The following KCNJ5 variants were observed in gnomAD, a reference collection of about 807,000 sequenced individuals.
KCNJ5 encodes potassium inwardly rectifying channel subfamily J member 5, also known as G protein-activated inward rectifier potassium channel 4.
Under a neutral mutation model 20.2 loss-of-function variants are expected in KCNJ5, and 12 were observed. The observed-to-expected ratio is 0.59, with a 90% CI of 0.38 to 0.96. The LOEUF is 0.96. Ranked by LOEUF, KCNJ5 falls within the 40% of genes least tolerant of loss-of-function variation. KCNJ5 has a pLI of 0.00. For missense variants in KCNJ5, 449 were observed against 557.6 expected (o/e 0.81, Z 1.96); for synonymous variants, 210 against 213.9 (o/e 0.98, Z 0.16).
chr11:128,918,067 AAC>A lies in KCNJ5; in HGVS notation c.*1338_*1339del, dbSNP rs1491089347. The A allele has an allele frequency of 1.4e-3, 182 of 126,682 alleles. 1 individual carries two copies. Among genetic ancestry groups the A allele is most frequent in the Non-Finnish European group, 1.6e-3 (94 of 60,214 alleles). The allele number at this position is 126,682 out of a possible 1,614,324, so 7.8% of individuals were successfully genotyped here. On this transcript the variant is annotated 3_prime_UTR_variant, in exon 3 of 3. Transcript: ENST00000529694. ...GAGACTCCATCTCAAAAAAAAAAAA[AAC>A]ATCAGCATCTGCCCCAGTTGTGGCC...
intron 2 of KCNJ5, among the ~76,000 whole-genome samples, chr11:128,915,588 C>T (rs1351100252): frequency 6.6e-6 from 1 of 152,168 alleles, no homozygotes; most frequent in Admixed American, 6.5e-5. Flanking sequence ...AACATCTATT[C>T]ACTCCAATCT....
chr11:128,894,542 G>T lies in KCNJ5; in HGVS notation c.-11+2821G>T, dbSNP rs369610466. On this transcript the variant is annotated intron_variant, in intron 1 of 2. Transcript: ENST00000529694. Reference sequence around the variant, plus strand: ...TGTTAAGATAGTCGTCAGCCACGAAGGAATCTTTCTGTGTTTTGTTTTTAT... The same window carrying T: ...TGTTAAGATAGTCGTCAGCCACGAATGAATCTTTCTGTGTTTTGTTTTTAT... Among the ~76,000 whole-genome samples, 47 of 152,304 alleles carry T rather than the reference G, an allele frequency of 3.1e-4. 1 individual carries two copies. In the East Asian group the frequency reaches 4.0e-3, roughly 13 times the overall value.
At chr11:128,908,645 T>C (rs1438080269) in intron 1 of KCNJ5, among the ~76,000 whole-genome samples, 10 of 152,146 alleles carry the variant, frequency 6.6e-5, no homozygotes, top group African/African-American at 2.4e-4. Flanking sequence ...TGTTTAAAAA[T>C]AAAGAAGGAA....
chr11:128,897,210 G>T (rs929309581), intron 1 of KCNJ5, among the ~76,000 whole-genome samples: 1 of 150,296 alleles, frequency 6.7e-6, no homozygotes, highest in African/African-American at 2.5e-5. Flanking sequence ...TGATTCTCCG[G>T]CCTCAGCCTC....
chr11:128,898,993 T>C (rs1416897991), intron 1 of KCNJ5, among the ~76,000 whole-genome samples: 2 of 152,248 alleles, frequency 1.3e-5, no homozygotes, highest in Non-Finnish European at 2.9e-5. Context: ...CCTATTTCTT[T>C]CACTTTGTTT....
chr11:128,898,589 A>G (rs1944213044), intron 1 of KCNJ5, among the ~76,000 whole-genome samples: 1 of 152,196 alleles, frequency 6.6e-6, no homozygotes, highest in Non-Finnish European at 1.5e-5. Context: ...TAATGCCCAC[A>G]TCCACTTACA....
chr11:128,920,341 G>C lies in KCNJ5; in HGVS notation c.*3610G>C, dbSNP rs1317694596. On this transcript the variant is annotated 3_prime_UTR_variant, in exon 3 of 3. Transcript: ENST00000529694. ...AGGTCCTGGCTTGAGCAGTTACCTT[G>C]CTGGAGAAGAGGAGCCCCTGCCATC... 6.6e-6 allele frequency: 1 copy of C among 152,394 alleles called. No individual in the cohort carries two copies. The highest frequency in any genetic ancestry group is 2.4e-5 in the African/African-American group (1 of 41,438). The allele number at this position is 152,394 out of a possible 1,614,324, so 9.4% of individuals were successfully genotyped here.
chr11:128,891,441 C>CAGAAAGAGAGAGAGAG lies in KCNJ5; in HGVS notation c.-288_-287insAAGAGAGAGAGAGAGA, dbSNP rs1944085485. ...ACACACACACACACACACACACACA[C>CAGAAAGAGAGAGAGAG]AGAGAGAGAGAGAGAGAGAGAGAGA... On this transcript the variant is annotated 5_prime_UTR_variant, in exon 1 of 3. Transcript: ENST00000529694. 1.8e-4 allele frequency: 10 copies of CAGAAAGAGAGAGAGAG among 54,936 alleles called. No homozygotes were observed. The highest frequency in any genetic ancestry group is 6.4e-4 in the African/African-American group (8 of 12,478). The allele number at this position is 54,936 out of a possible 1,614,324, so 3.4% of individuals were successfully genotyped here.
In KCNJ5 at chr11:128,911,241, G is replaced by A; in HGVS notation, c.-10-23G>A. 1.3e-6 allele frequency: 2 copies of A among 1,593,102 alleles called. No homozygotes were observed. The highest frequency in any genetic ancestry group is 1.1e-5 in the South Asian group (1 of 90,590). On this transcript the variant is annotated intron_variant, in intron 1 of 2. Coordinates refer to ENST00000529694, the MANE Select transcript of KCNJ5 (RefSeq NM_000890.5). The surrounding 1 kb of genome is among the most constrained non-coding windows in gnomAD (Gnocchi z 6.3). ...GTGAATCAGAACAGCCCACTTCACTGATGGTGTCTTTTTAACTCAAAGCAT... is the reference window on the plus strand; with the variant it reads ...GTGAATCAGAACAGCCCACTTCACTAATGGTGTCTTTTTAACTCAAAGCAT...
rs60658163 is a variant in KCNJ5, at chr11:128,891,443, G to A, written c.-289G>A. ...ACACACACACACACACACACACACAGAGAGAGAGAGAGAGAGAGAGAGAGA... is the reference window on the plus strand; with the variant it reads ...ACACACACACACACACACACACACAAAGAGAGAGAGAGAGAGAGAGAGAGA... On this transcript the variant is annotated 5_prime_UTR_variant, in exon 1 of 3. Coordinates refer to ENST00000529694, the MANE Select transcript of KCNJ5 (RefSeq NM_000890.5). 1 of 100,968 alleles carries A rather than the reference G, an allele frequency of 9.9e-6. No homozygotes were observed. Among genetic ancestry groups the A allele is most frequent in the Admixed American group, 1.1e-4 (1 of 9,032 alleles). The allele number at this position is 100,968 out of a possible 1,614,324, so 6.3% of individuals were successfully genotyped here. A position where few individuals can be genotyped will look rare whatever the true frequency, so the allele number is the denominator to read the frequency against.
rs1233096061 is a variant in KCNJ5, at chr11:128,920,688, T to C, written c.*3957T>C. 1 of 152,240 alleles carries C rather than the reference T, an allele frequency of 6.6e-6. No homozygotes were observed. Among genetic ancestry groups the C allele is most frequent in the Admixed American group, 6.5e-5 (1 of 15,288 alleles). 9.4% of individuals were successfully genotyped at this position (152,240 alleles called of 1,614,324 possible). On this transcript the variant is annotated 3_prime_UTR_variant, in exon 3 of 3. Coordinates refer to ENST00000529694, the MANE Select transcript of KCNJ5 (RefSeq NM_000890.5). ...TTGAGGCTGAGAGAGGTTCATGAGC[T>C]TGCTCAAGGCCACGGGTAGTAATAA...
At chr11:128,893,523 T>C (rs1944126034) in intron 1 of KCNJ5, among the ~76,000 whole-genome samples, 1 of 152,222 alleles carries the variant, frequency 6.6e-6, no homozygotes, top group Admixed American at 6.5e-5. Flanking sequence ...AACAACGTTC[T>C]AGACCTACTA....
chr11:128,896,894 A>AT (rs1392147557), intron 1 of KCNJ5, among the ~76,000 whole-genome samples: 2 of 150,784 alleles, frequency 1.3e-5, no homozygotes, highest in South Asian at 4.2e-4. Context: ...AGTTTTTTTT[A>AT]TTTTTTTTCG....
chr11:128,907,800 G>A (rs1240475903), intron 1 of KCNJ5, among the ~76,000 whole-genome samples: 1 of 152,248 alleles, frequency 6.6e-6, no homozygotes, highest in Non-Finnish European at 1.5e-5. Flanking sequence ...GCTTCAAAGA[G>A]GAAATGCTAG....
intron 1 of KCNJ5, among the ~76,000 whole-genome samples, chr11:128,893,649 G>C (rs1360008744): frequency 6.6e-6 from 1 of 152,040 alleles, no homozygotes; most frequent in African/African-American, 2.4e-5. Flanking sequence ...TAAGTAGCCT[G>C]CCTGTGCTCT....
At chr11:128,908,205 TA>T (rs1944451345) in intron 1 of KCNJ5, among the ~76,000 whole-genome samples, 1 of 152,270 alleles carries the variant, frequency 6.6e-6, no homozygotes. Flanking sequence ...GATATTGCAT[TA>T]AATTTCAATT....
chr11:128,892,291 T>C (rs1438551209), intron 1 of KCNJ5, among the ~76,000 whole-genome samples: 8 of 152,356 alleles, frequency 5.3e-5, no homozygotes, highest in African/African-American at 1.7e-4. Flanking sequence ...GGGTCAAGCC[T>C]GTGAGGACAG....
chr11:128,894,499 G>T (rs963395707), intron 1 of KCNJ5, among the ~76,000 whole-genome samples: 3 of 152,212 alleles, frequency 2.0e-5, no homozygotes, highest in Non-Finnish European at 4.4e-5. Flanking sequence ...TCCAAGTGCG[G>T]ATCTGTCATC....
intron 2 of KCNJ5, among the ~76,000 whole-genome samples, chr11:128,915,307 G>A (rs899036109): frequency 3.3e-5 from 5 of 152,302 alleles, no homozygotes; most frequent in South Asian, 2.1e-4. Flanking sequence ...ACAGGGAAAC[G>A]AGGCATTGGA....
Sources: gnomAD v4.1 joint callset for allele counts (sites outside exome capture counted in the v4.1 genomes callset) on GRCh38, gnomAD v4.1.1 for gene constraint, Gnocchi (gnomAD v3.1) non-coding constraint, MANE v1.5 for transcripts, NCBI Gene and HGNC (gene_info 2026-07-23, HGNC 2026-07-21) for gene names.